Variants in CRLF3 observed in about 807,000 individuals in gnomAD.
The protein encoded by CRLF3 is cytokine receptor-like factor 3.
CRLF3 carries 33 observed loss-of-function variants against 55.0 expected under a neutral mutation model. The observed-to-expected ratio is 0.60, with a 90% CI of 0.46 to 0.80. CRLF3 has a LOEUF of 0.80. Among genes scored for constraint, CRLF3 ranks in the 30% least tolerant of loss-of-function variants. The pLI is 0.00. For synonymous variants in CRLF3, 238 were observed against 196.8 expected (o/e 1.21, Z -1.75); for missense variants, 494 against 538.4 (o/e 0.92, Z 0.82).
Position 30,796,201 on chromosome 17 carries a change from GTTC to G in CRLF3, c.559_561del (p.Glu187del), listed in dbSNP as rs1737713019. ...ATGATGCCTCCAGGTTTCTCTATTAGTTCTTCTATCTGTACTGGTGGGCGAGAT... is the reference window on the plus strand; with the variant it reads ...ATGATGCCTCCAGGTTTCTCTATTAGTTCTATCTGTACTGGTGGGCGAGAT... On this transcript the variant is annotated inframe_deletion, in exon 4 of 8. Transcript: ENST00000324238. 2 of 1,613,562 alleles carry G rather than the reference GTTC, an allele frequency of 1.2e-6. No homozygotes were observed. The highest frequency in any genetic ancestry group is 2.2e-5 in the South Asian group (2 of 91,000).
chr17:30,794,599 G>C (rs1435722570), intron 4 of CRLF3, among the ~76,000 whole-genome samples: 1 of 151,858 alleles, frequency 6.6e-6, no homozygotes, highest in Non-Finnish European at 1.5e-5. Flanking sequence ...GGAATTTGAG[G>C]CCAGCCTAGG....
intron 1 of CRLF3, among the ~76,000 whole-genome samples, chr17:30,822,576 C>G (rs1402992222): frequency 1.3e-5 from 2 of 152,136 alleles, no homozygotes; most frequent in Non-Finnish European, 1.5e-5. Context: ...CAAAACAAAG[C>G]TCATAATAAA....
chr17:30,797,692 C>G (rs552634492), intron 2 of CRLF3, among the ~76,000 whole-genome samples: 102 of 152,128 alleles, frequency 6.7e-4, no homozygotes, highest in Non-Finnish European at 1.2e-3. Context: ...GGACTTCTTT[C>G]CATCTCTCCT....
rs201612159 is a variant in CRLF3, at chr17:30,793,550, G to T, written c.726C>A (p.Asn242Lys). 3.1e-6 allele frequency: 5 copies of T among 1,614,108 alleles called. No individual in the cohort carries two copies. Among genetic ancestry groups the T allele is most frequent in the Non-Finnish European group, 3.4e-6 (4 of 1,180,004 alleles). The change falls in exon 5 of 8, where the codon AAC becomes AAA. Residue 242 changes from asparagine to lysine, a missense_variant. Physicochemically the swap from Asn to Lys is moderately conservative, Grantham distance 94. Coordinates refer to ENST00000324238, the MANE Select transcript of CRLF3 (RefSeq NM_015986.4). ...TEFIVLHIDP[N>K]VDYQFRVCAR... ...CGCAGACTCTGAACTGGTAATCAAC[G>T]TTGGGGTCTATGTGCAATACTATGA...
chr17:30,786,667 AAC>A (rs1272086800), intron 6 of CRLF3: 1 of 151,344 alleles, frequency 6.6e-6, no homozygotes, highest in East Asian at 1.9e-4. Flanking sequence ...CCAGGACTCA[AAC>A]ACAGGCATTC....
chr17:30,785,872 A>C, intron 7 of CRLF3, 47 bp downstream of exon 7: 1 of 1,017,970 alleles, frequency 9.8e-7, no homozygotes, highest in Non-Finnish European at 1.5e-6. Context: ...CATATTACTA[A>C]AATAATTAAT....
At chr17:30,816,371 C>T (rs570227768) in intron 1 of CRLF3, among the ~76,000 whole-genome samples, 4 of 151,008 alleles carry the variant, frequency 2.6e-5, no homozygotes, top group Admixed American at 6.6e-5. Context: ...CTTTTGCAAA[C>T]AAATACAGTC....
intron 2 of CRLF3, 88 bp from the exon 3 acceptor site, chr17:30,797,486 G>T: frequency 9.5e-7 from 1 of 1,055,780 alleles, no homozygotes; most frequent in South Asian, 1.3e-5. Flanking sequence ...GGTCTCTAGC[G>T]TTCTTGCAAA....
chr17:30,796,405 A>G (rs1971919293), intron 3 of CRLF3, 68 bp from the exon 4 acceptor site: 6 of 1,309,214 alleles, frequency 4.6e-6, no homozygotes, highest in Admixed American at 2.2e-5. Flanking sequence ...GAAATATTTT[A>G]GAGCAGTCAC....
Position 30,788,599 on chromosome 17 carries a change from CTTTTTTTTTTTTTT to C in CRLF3, c.960-2582_960-2569del, listed in dbSNP as rs1159336036. Among the ~76,000 whole-genome samples the C allele has an allele frequency of 3.5e-3, 284 of 80,038 alleles. 1 individual carries two copies. Among genetic ancestry groups the C allele is most frequent in the African/African-American group, 0.016 (271 of 17,232 alleles). 52.5% of individuals were successfully genotyped at this position (80,038 alleles called of 152,430 possible). A position where few individuals can be genotyped will look rare whatever the true frequency, so the allele number is the denominator to read the frequency against. On this transcript the variant is annotated intron_variant, in intron 6 of 7. Coordinates refer to ENST00000324238, the MANE Select transcript of CRLF3 (RefSeq NM_015986.4). Reference sequence around the variant, plus strand: ...GGGATAAATAACAAAGTAGTGCCTTCTTTTTTTTTTTTTTTTTTTTTTTTTTGAGACAGCATCTC... The same window carrying C: ...GGGATAAATAACAAAGTAGTGCCTTCTTTTTTTTTTTTGAGACAGCATCTC...
Position 30,783,269 on chromosome 17 carries a change from A to C in CRLF3, c.*918T>G, listed in dbSNP as rs1482499539. The C allele has an allele frequency of 6.6e-6, 1 of 152,212 alleles. No individual in the cohort carries two copies. The highest frequency in any genetic ancestry group is 1.5e-5 in the Non-Finnish European group (1 of 68,038). 9.4% of individuals were successfully genotyped at this position (152,212 alleles called of 1,614,324 possible). On this transcript the variant is annotated 3_prime_UTR_variant, in exon 8 of 8. Transcript: ENST00000324238. ...CCTATACTGTATCAAATTGCAATGA[A>C]AGAACAAAAGGTACTACTTGCCTAT...
intron 1 of CRLF3, among the ~76,000 whole-genome samples, chr17:30,806,535 A>G (rs186680359): frequency 4.0e-4 from 61 of 152,330 alleles, no homozygotes; most frequent in African/African-American, 1.4e-3. Flanking sequence ...CAATTTGAGA[A>G]ACATTGCCCT....
At chr17:30,808,991 G>A (rs1904524864) in intron 1 of CRLF3, among the ~76,000 whole-genome samples, 3 of 152,202 alleles carry the variant, frequency 2.0e-5, no homozygotes, top group African/African-American at 2.4e-5. Flanking sequence ...AATACATTTC[G>A]AATGGCCAAG....
intron 5 of CRLF3, 133 bp from the exon 6 acceptor site, chr17:30,792,705 T>G: frequency 1.4e-6 from 1 of 719,512 alleles, no homozygotes; most frequent in Non-Finnish European, 2.3e-6. Context: ...AAATAAAAGA[T>G]TCCATTAACA....
rs1157854977 is a variant in CRLF3, at chr17:30,814,724, G to A, written c.129+9799C>T. 3.3e-5 allele frequency among the ~76,000 whole-genome samples: 5 copies of A among 150,892 alleles called. No homozygotes were observed. The East Asian group carries it at 6.0e-4, about 18-fold the overall frequency. ...CAATCTACACTAAAACAAAATTGCC[G>A]GGCATGGTGGCTCATGCCTGTAATC... On this transcript the variant is annotated intron_variant, in intron 1 of 7. Transcript: ENST00000324238.
At position 30,804,055 on chromosome 17, in the gene CRLF3, A is replaced by G; in HGVS notation, c.183T>C (p.Asp61=). 6.2e-7 allele frequency: 1 copy of G among 1,613,992 alleles called. No homozygotes were observed. Among genetic ancestry groups the G allele is most frequent in the Non-Finnish European group, 8.5e-7 (1 of 1,179,994 alleles). ...TRDVLKQHFN[D]LKGTLGKLLD... ...GGAGCTTTCCAAGGGTTCCCTTTAA[A>G]TCATTAAAATGCTGTTTGAGAACAT... Residue 61 remains aspartate (D), a synonymous_variant, in exon 2 of 8, where the codon GAT becomes GAC. Transcript: ENST00000324238.
intron 2 of CRLF3, chr17:30,800,930 A>G (rs549831919): frequency 1.3e-5 from 2 of 152,384 alleles, no homozygotes; most frequent in South Asian, 2.1e-4. Flanking sequence ...GCCTGCCACC[A>G]TGCCTGGCTA....
intron 2 of CRLF3, among the ~76,000 whole-genome samples, chr17:30,802,707 GCCA>G (rs1411440219): frequency 6.6e-6 from 1 of 152,032 alleles, no homozygotes; most frequent in Non-Finnish European, 1.5e-5. Flanking sequence ...ACAGGCGTGA[GCCA>G]CCACACCTGG....
intron 1 of CRLF3, among the ~76,000 whole-genome samples, chr17:30,805,387 T>C (rs1480791066): frequency 6.6e-6 from 1 of 151,992 alleles, no homozygotes; most frequent in Non-Finnish European, 1.5e-5. Context: ...TAAAATTCAT[T>C]TTACTGAAAA....
Sources: allele counts gnomAD v4.1 joint callset (sites outside exome capture counted in the v4.1 genomes callset), GRCh38; gene constraint gnomAD v4.1.1; transcripts MANE v1.5; gene names NCBI Gene and HGNC (gene_info 2026-07-23, HGNC 2026-07-21).